Variants in USP32 observed in about 807,000 individuals in gnomAD.
The protein encoded by USP32 is ubiquitin specific peptidase 32.
In USP32, 59 loss-of-function variants were observed where a neutral mutation model predicts 204.8. That is an observed-to-expected ratio of 0.29 (90% CI 0.23 to 0.36). The LOEUF (loss-of-function observed/expected upper bound fraction) is 0.36. Ranked by LOEUF, USP32 falls within the 10% of genes least tolerant of loss-of-function variation. The probability of loss-of-function intolerance (pLI) is 1.00; values close to 1 mark genes in which losing one functional copy is unlikely to be tolerated. For synonymous variants in USP32, 517 were observed against 678.4 expected (o/e 0.76, Z 3.70); for missense variants, 1,160 against 1,946.4 (o/e 0.60, Z 7.60).
At chr17:60,375,338 A>G (rs2089519368) in intron 1 of USP32, among the ~76,000 whole-genome samples, 1 of 152,196 alleles carries the variant, frequency 6.6e-6, no homozygotes, top group East Asian at 1.9e-4. Flanking sequence ...CTCAGCTTGC[A>G]TGGTCATTTT....
intron 3 of USP32, among the ~76,000 whole-genome samples, chr17:60,299,866 CAT>C (rs2087529348): frequency 6.6e-6 from 1 of 152,118 alleles, no homozygotes; most frequent in Admixed American, 6.5e-5. Flanking sequence ...CTTCCTAGTT[CAT>C]AGACAGCCAC....
chr17:60,215,914 G>A (rs926303065), intron 16 of USP32, among the ~76,000 whole-genome samples: 14 of 152,084 alleles, frequency 9.2e-5, no homozygotes, highest in African/African-American at 3.1e-4. Context: ...TGCCCAGGCT[G>A]GTTTTGAACT....
intron 1 of USP32, among the ~76,000 whole-genome samples, chr17:60,346,622 T>C (rs2088791714): frequency 6.6e-6 from 1 of 152,196 alleles, no homozygotes; most frequent in East Asian, 1.9e-4. Flanking sequence ...TTTTTCACTA[T>C]ATGGAACAAT....
intron 2 of USP32, among the ~76,000 whole-genome samples, chr17:60,330,140 G>C (rs1480947684): frequency 6.6e-6 from 1 of 152,086 alleles, no homozygotes; most frequent in Non-Finnish European, 1.5e-5. Context: ...AGGTCCGCTG[G>C]TGCCCAAAAA....
intron 20 of USP32, 120 bp downstream of exon 20, chr17:60,211,256 T>C: frequency 1.3e-5 from 19 of 1,509,770 alleles, no homozygotes; most frequent in Non-Finnish European, 1.7e-5. Flanking sequence ...CTATTTCATA[T>C]TAAATAGGGC....
At chr17:60,204,580 T>C (rs1360372606) in intron 26 of USP32, among the ~76,000 whole-genome samples, 3 of 151,810 alleles carry the variant, frequency 2.0e-5, no homozygotes, top group South Asian at 2.1e-4. Flanking sequence ...GCAATTCTCC[T>C]GCCTCAGCAT....
intron 2 of USP32, among the ~76,000 whole-genome samples, chr17:60,326,803 T>C (rs776439559): frequency 5.9e-5 from 9 of 152,218 alleles, no homozygotes; most frequent in Non-Finnish European, 1.3e-4. Context: ...ACTAGTTATT[T>C]CCACAAGATG....
At chr17:60,260,999 G>T (rs1054549732) in intron 9 of USP32, among the ~76,000 whole-genome samples, 1 of 152,152 alleles carries the variant, frequency 6.6e-6, no homozygotes, top group Non-Finnish European at 1.5e-5. Context: ...TGAACTCTAC[G>T]GGTGAGGATA....
At chr17:60,189,808 T>C (rs73990669) in intron 29 of USP32, among the ~76,000 whole-genome samples, 2,376 of 152,334 alleles carry the variant, frequency 0.016, 65 homozygotes, top group African/African-American at 0.054. Context: ...ACATTTGAAC[T>C]AAGTAACTGT....
At chr17:60,352,702 T>C (rs2088977197) in intron 1 of USP32, among the ~76,000 whole-genome samples, 1 of 152,148 alleles carries the variant, frequency 6.6e-6, no homozygotes, top group Admixed American at 6.5e-5. Flanking sequence ...TAAAGACCAG[T>C]TGAGCGGTTA....
chr17:60,234,727 T>C (rs2085674641), intron 12 of USP32, among the ~76,000 whole-genome samples: 1 of 151,312 alleles, frequency 6.6e-6, no homozygotes, highest in Non-Finnish European at 1.5e-5. Flanking sequence ...CAAGACTCCG[T>C]CTCAGAAAAA....
chr17:60,349,639 TA>T, intron 1 of USP32, among the ~76,000 whole-genome samples: 1 of 105,298 alleles, frequency 9.5e-6, no homozygotes, highest in East Asian at 2.4e-4. Context: ...TATATATATA[TA>T]TATTATATAT....
At chr17:60,422,171 G>C in intron 1 of USP32, 1 of 281,750 alleles carries the variant, frequency 3.5e-6, no homozygotes, top group Non-Finnish European at 6.5e-6. Context: ...CTTTCCTCTC[G>C]GGGAGCCCCC....
At chr17:60,348,409 A>C (rs931491983) in intron 1 of USP32, among the ~76,000 whole-genome samples, 1 of 152,148 alleles carries the variant, frequency 6.6e-6, no homozygotes, top group Non-Finnish European at 1.5e-5. Flanking sequence ...GAAAAGAAGG[A>C]GAAGTAGAAG....
At chr17:60,420,016 C>T (rs916889702) in intron 1 of USP32, among the ~76,000 whole-genome samples, 1 of 148,804 alleles carries the variant, frequency 6.7e-6, no homozygotes, top group Non-Finnish European at 1.5e-5. Flanking sequence ...TGCACCACCG[C>T]GCCTGGCTAA....
intron 27 of USP32, among the ~76,000 whole-genome samples, chr17:60,195,761 T>C (rs1461830502): frequency 1.3e-5 from 2 of 152,258 alleles, no homozygotes; most frequent in African/African-American, 4.8e-5. Flanking sequence ...ACTCTCTAAA[T>C]GTTAATCATC....
intron 3 of USP32, among the ~76,000 whole-genome samples, chr17:60,297,544 A>AACC (rs1401746699): frequency 2.0e-5 from 3 of 150,726 alleles, no homozygotes; most frequent in African/African-American, 7.3e-5. Flanking sequence ...CACCTCCTGG[A>AACC]TTCAAGCAAT....
chr17:60,277,674 T>A (rs2145811283), intron 5 of USP32, among the ~76,000 whole-genome samples: 1 of 152,302 alleles, frequency 6.6e-6, no homozygotes, highest in African/African-American at 2.4e-5. Flanking sequence ...ACAATCAAAA[T>A]GAATTATAAA....
chr17:60,179,456 A>G, intron 33 of USP32, 28 bp from the exon 34 acceptor site: 3 of 1,610,788 alleles, frequency 1.9e-6, no homozygotes, highest in Non-Finnish European at 2.5e-6. Flanking sequence ...ACCTTTAACA[A>G]AAAGCCATCA....
Sources: gnomAD v4.1 joint callset for allele counts (sites outside exome capture counted in the v4.1 genomes callset) on GRCh38, gnomAD v4.1.1 for gene constraint, MANE v1.5 for transcripts, NCBI Gene and HGNC (gene_info 2026-07-23, HGNC 2026-07-21) for gene names.